SMARCB1: variants seen among roughly 807,000 people sequenced by gnomAD.
The protein encoded by SMARCB1 is SWI/SNF-related matrix-associated actin-dependent regulator of chromatin subfamily B member 1.
In SMARCB1, 5 loss-of-function variants were observed where a neutral mutation model predicts 49.0. The observed-to-expected ratio is 0.10, with a 90% CI of 0.05 to 0.21. The LOEUF is 0.21. SMARCB1 is among the 10% of genes least tolerant of loss of function. The probability of loss-of-function intolerance (pLI) is 1.00; values close to 1 mark genes in which losing one functional copy is unlikely to be tolerated. For missense variants in SMARCB1, 226 were observed against 509.2 expected, an observed-to-expected ratio of 0.44 and a Z score of 5.35; for synonymous variants, 201 against 200.1, an observed-to-expected ratio of 1.00 and a Z score of -0.04.
intron 4 of SMARCB1, chr22:23,801,424 C>T: frequency 1.7e-6 from 1 of 602,724 alleles, no homozygotes; most frequent in Non-Finnish European, 3.1e-6. Flanking sequence ...CACGTGACTC[C>T]CACTGTGCCA....
intron 4 of SMARCB1, 36 bp from the exon 5 acceptor site, chr22:23,803,259 C>A (rs758235277): frequency 4.3e-5 from 70 of 1,613,606 alleles, no homozygotes; most frequent in Non-Finnish European, 5.8e-5. Flanking sequence ...AGGGCTCCGG[C>A]CCCCTCGCTG....
chr22:23,816,601 T>A, intron 5 of SMARCB1, 169 bp from the exon 6 acceptor site: 1 of 712,414 alleles, frequency 1.4e-6, no homozygotes, highest in Middle Eastern at 3.5e-4. Context: ...CTGCTAGTCA[T>A]GTGCTTCCTC....
rs1191478274 is a variant in SMARCB1, at chr22:23,814,027, A to G, written c.629-2743A>G. ...GTATTTTTAGTAGAGACAGGGTATT[A>G]CCATGTTGGCCAGGTTGGTCTCAAA... On this transcript the variant is annotated intron_variant, in intron 5 of 8. Coordinates refer to ENST00000644036, the MANE Select transcript of SMARCB1 (RefSeq NM_003073.5). Among the ~76,000 whole-genome samples the G allele has an allele frequency of 2.6e-5, 4 of 152,084 alleles. No homozygotes were observed. In the East Asian group the frequency reaches 7.7e-4, roughly 29 times the overall value.
chr22:23,793,792 T>G, intron 3 of SMARCB1, 104 bp downstream of exon 3: 1 of 1,280,202 alleles, frequency 7.8e-7, no homozygotes, highest in Non-Finnish European at 1.1e-6. Context: ...TTTTTTTTTT[T>G]TTTTTTGAGA....
At chr22:23,795,533 T>C (rs1453693460) in intron 3 of SMARCB1, among the ~76,000 whole-genome samples, 1 of 151,718 alleles carries the variant, frequency 6.6e-6, no homozygotes, top group Non-Finnish European at 1.5e-5. Context: ...TGCATGCCTG[T>C]AATCCCAGCT....
At chr22:23,788,204 C>G (rs1242072895) in intron 1 of SMARCB1, among the ~76,000 whole-genome samples, 1 of 152,054 alleles carries the variant, frequency 6.6e-6, no homozygotes, top group African/African-American at 2.4e-5. Flanking sequence ...TTGTCTCAAA[C>G]TAGCCTTTTT....
chr22:23,836,474 G>A lies in SMARCB1; in HGVS notation c.*2294G>A. The A allele has an allele frequency of 1.0e-6, 1 of 999,726 alleles. No individual in the cohort carries two copies. Among genetic ancestry groups the A allele is most frequent in the Non-Finnish European group, 1.2e-6 (1 of 839,876 alleles). The allele number at this position is 999,726 out of a possible 1,614,324, so 61.9% of individuals were successfully genotyped here. A position where few individuals can be genotyped will look rare whatever the true frequency, so the allele number is the denominator to read the frequency against. The stretch of plus-strand genomic sequence containing the variant: ...GACTGGCAGGTAGCAGAGGCCTATG[G>A]TGGGCAGGACTTGCCCAAGGCCCTG... On this transcript the variant is annotated 3_prime_UTR_variant, in exon 9 of 9. Transcript: ENST00000644036.
At chr22:23,802,242 G>C (rs769998786) in intron 4 of SMARCB1, 9 of 152,576 alleles carry the variant, frequency 5.9e-5, no homozygotes, top group Non-Finnish European at 1.2e-4. Context: ...ACCTGGCCTG[G>C]TGCTGCCACC....
Position 23,837,424 on chromosome 22 carries a change from C to G in SMARCB1, c.*3244C>G. 1 of 641,670 alleles carries G rather than the reference C, an allele frequency of 1.6e-6. No individual in the cohort carries two copies. The highest frequency in any genetic ancestry group is 2.0e-5 in the South Asian group (1 of 49,960). 39.7% of individuals were successfully genotyped at this position (641,670 alleles called of 1,614,324 possible). ...GCAGGAACCCTGACCCTCCCATCCT[C>G]ACTCCCATCAGGACCGTGCAAGCAT... is the stretch of plus-strand genomic sequence containing the variant. On this transcript the variant is annotated 3_prime_UTR_variant, in exon 9 of 9. Coordinates refer to ENST00000644036, the MANE Select transcript of SMARCB1 (RefSeq NM_003073.5).
At chr22:23,816,586 G>C in intron 5 of SMARCB1, 184 bp from the exon 6 acceptor site, 1 of 680,250 alleles carries the variant, frequency 1.5e-6, no homozygotes, top group South Asian at 1.6e-5. Flanking sequence ...ATGAGGGCTG[G>C]GGGCCTGCTA....
At chr22:23,827,514 C>G (rs1376026063) in intron 7 of SMARCB1, among the ~76,000 whole-genome samples, 1 of 152,166 alleles carries the variant, frequency 6.6e-6, no homozygotes, top group East Asian at 1.9e-4. Flanking sequence ...TCTCATCGAC[C>G]ACTTAGTGCA....
In SMARCB1 at chr22:23,789,555, C is replaced by T. The variant is rs1301766465; in HGVS notation, c.94-2201C>T. ...TGTTTCTCATGTGTATAATGTGATGCTTAGACTAGATGGTCTCCAAGATCT... is the reference window on the plus strand; with the variant it reads ...TGTTTCTCATGTGTATAATGTGATGTTTAGACTAGATGGTCTCCAAGATCT... On this transcript the variant is annotated intron_variant, in intron 1 of 8. Transcript: ENST00000644036. Among the ~76,000 whole-genome samples, 3 of 152,176 alleles carry T rather than the reference C, an allele frequency of 2.0e-5. No individual in the cohort carries two copies. The East Asian group carries it at 5.8e-4, about 29-fold the overall frequency.
chr22:23,837,230 C>T lies in SMARCB1; in HGVS notation c.*3050C>T. On this transcript the variant is annotated 3_prime_UTR_variant, in exon 9 of 9. Coordinates refer to ENST00000644036, the MANE Select transcript of SMARCB1 (RefSeq NM_003073.5). ...AGACCAGCAGAGCCTGCCCCAGGCC[C>T]CCATCCACAGCCTGGTGGCCCTGCA... The T allele has an allele frequency of 6.5e-7, 1 of 1,545,012 alleles. No individual in the cohort carries two copies.
chr22:23,796,551 C>T (rs976252421), intron 3 of SMARCB1, among the ~76,000 whole-genome samples: 3 of 152,102 alleles, frequency 2.0e-5, no homozygotes, highest in East Asian at 1.9e-4. Flanking sequence ...TTTTATGATT[C>T]CCCTGAAAGG....
chr22:23,809,032 A>G (rs1349739083), intron 5 of SMARCB1, among the ~76,000 whole-genome samples: 1 of 150,196 alleles, frequency 6.7e-6, no homozygotes, highest in African/African-American at 2.5e-5. Context: ...ATGGGGTTTC[A>G]CCGTGTTAGC....
chr22:23,788,701 C>G lies in SMARCB1; in HGVS notation c.93+1439C>G, dbSNP rs889900660. Among the ~76,000 whole-genome samples, 13 of 152,268 alleles carry G rather than the reference C, an allele frequency of 8.5e-5. No individual in the cohort carries two copies. In the East Asian group the frequency reaches 9.7e-4, roughly 11 times the overall value. ...AATGACAGGTGTGAGCTACTGCACTCACACTCAGCGCATTCATACTTTTTA... is the reference window on the plus strand; with the variant it reads ...AATGACAGGTGTGAGCTACTGCACTGACACTCAGCGCATTCATACTTTTTA... On this transcript the variant is annotated intron_variant, in intron 1 of 8. Coordinates refer to ENST00000644036, the MANE Select transcript of SMARCB1 (RefSeq NM_003073.5).
intron 1 of SMARCB1, among the ~76,000 whole-genome samples, chr22:23,789,355 A>G (rs1331490045): frequency 6.6e-6 from 1 of 152,244 alleles, no homozygotes; most frequent in Non-Finnish European, 1.5e-5. Flanking sequence ...CTGTGATACT[A>G]GGCGAGTTGT....
rs1000000133 is a variant in SMARCB1, at chr22:23,834,333, G to A, written c.*153G>A. The A allele has an allele frequency of 2.2e-5, 18 of 805,392 alleles. No individual in the cohort carries two copies. The highest frequency in any genetic ancestry group is 1.3e-4 in the South Asian group (9 of 69,328). The allele number at this position is 805,392 out of a possible 1,614,324, so 49.9% of individuals were successfully genotyped here. On this transcript the variant is annotated 3_prime_UTR_variant, in exon 9 of 9. Coordinates refer to ENST00000644036, the MANE Select transcript of SMARCB1 (RefSeq NM_003073.5). ...TGGGGGCTTCCAGGTGGCCCTTCCC[G>A]GCACACATTCCATTTGTTGAGCCCC...
chr22:23,833,755 A>G lies in SMARCB1; in HGVS notation c.1118+52A>G, dbSNP rs191510585. 14,969 of 1,602,844 alleles carry G rather than the reference A, an allele frequency of 9.3e-3. 109 individuals are homozygous for G. Among genetic ancestry groups the G allele is most frequent in the South Asian group, 0.013 (1,221 of 90,856 alleles). On this transcript the variant is annotated intron_variant, in intron 8 of 8. Transcript: ENST00000644036. Reference sequence around the variant, plus strand: ...TCTGCCCACAGGCACCTGGCTTTCCAGGCAGAGGCAGGGCCATTGCCTTTC... The same window carrying G: ...TCTGCCCACAGGCACCTGGCTTTCCGGGCAGAGGCAGGGCCATTGCCTTTC...
Sources: gnomAD v4.1 joint callset for allele counts (sites outside exome capture counted in the v4.1 genomes callset) on GRCh38, gnomAD v4.1.1 for gene constraint, MANE v1.5 for transcripts, NCBI Gene and HGNC (gene_info 2026-07-23, HGNC 2026-07-21) for gene names.